The following CLSTN2 variants were observed in gnomAD, a reference collection of about 807,000 sequenced individuals.
CLSTN2 encodes calsyntenin-2.
A neutral mutation model predicts 101.2 loss-of-function variants in CLSTN2; 48 were observed. The ratio of observed to expected loss-of-function variants is 0.47; its 90% confidence interval spans 0.38 to 0.60. CLSTN2 has a LOEUF of 0.60. CLSTN2 is among the 20% of genes least tolerant of loss of function. The probability of loss-of-function intolerance (pLI) is 0.00; values close to 1 mark genes in which losing one functional copy is unlikely to be tolerated. For synonymous variants in CLSTN2, 481 were observed against 463.6 expected (o/e 1.04, Z -0.48); for missense variants, 1,160 against 1,238.2 (o/e 0.94, Z 0.95).
intron 5 of CLSTN2, among the ~76,000 whole-genome samples, chr3:140,425,625 G>C (rs572772035): frequency 6.6e-6 from 1 of 152,312 alleles, no homozygotes; most frequent in South Asian, 2.1e-4. Flanking sequence ...TGAACTAAAA[G>C]TGTGTTTGCT....
chr3:140,552,955 A>G (rs1343666917), intron 10 of CLSTN2, among the ~76,000 whole-genome samples: 1 of 152,328 alleles, frequency 6.6e-6, no homozygotes, highest in East Asian at 1.9e-4. Context: ...CAAATCTGAA[A>G]CTGATGACTT....
chr3:140,110,826 C>T (rs945298546), intron 1 of CLSTN2, among the ~76,000 whole-genome samples: 14 of 152,172 alleles, frequency 9.2e-5, no homozygotes, highest in Admixed American at 7.2e-4. Context: ...TGGAGGAGGG[C>T]TGTTGGCTTC....
rs2088452823 is a variant in CLSTN2 at position 140,418,246 on chromosome 3, G to C, written c.638-2879G>C. Among the ~76,000 whole-genome samples the C allele has an allele frequency of 2.0e-5, 3 of 152,194 alleles. No individual in the cohort carries two copies. The South Asian group carries it at 6.2e-4, about 32-fold the overall frequency. On this transcript the variant is annotated intron_variant, in intron 4 of 16. Transcript: ENST00000458420. ...GACAACTATAACCACATATAAGTTT[G>C]AGTGTTACCAACCAATACTGAGCCA...
At chr3:140,203,467 T>TTG (rs1480185726) in intron 2 of CLSTN2, among the ~76,000 whole-genome samples, 3 of 140,798 alleles carry the variant, frequency 2.1e-5, no homozygotes. Flanking sequence ...GTGGGTTTTT[T>TTG]TTTTTTTTTT....
At chr3:139,997,047 CAAAA>C (rs369329154) in intron 1 of CLSTN2, among the ~76,000 whole-genome samples, 1 of 85,006 alleles carries the variant, frequency 1.2e-5, no homozygotes, top group Non-Finnish European at 2.1e-5. Flanking sequence ...GACTCTGTCT[CAAAA>C]AAAAAAAAAA....
intron 2 of CLSTN2, among the ~76,000 whole-genome samples, chr3:140,398,060 A>G (rs937660607): frequency 6.7e-6 from 1 of 148,820 alleles, no homozygotes; most frequent in Admixed American, 6.8e-5. Flanking sequence ...TTGGTGGGAC[A>G]GGCTTACTTC....
intron 1 of CLSTN2, among the ~76,000 whole-genome samples, chr3:140,079,367 G>A (rs2008546669): frequency 1.3e-5 from 2 of 152,162 alleles, no homozygotes; most frequent in Admixed American, 1.3e-4. Context: ...ATTTCCAAGA[G>A]ATAGAGAAAA....
At chr3:140,483,849 A>C (rs1164772974) in intron 8 of CLSTN2, among the ~76,000 whole-genome samples, 1 of 152,058 alleles carries the variant, frequency 6.6e-6, no homozygotes, top group Non-Finnish European at 1.5e-5. Flanking sequence ...TTTTGAGCCT[A>C]TGTCTGTCCT....
intron 2 of CLSTN2, among the ~76,000 whole-genome samples, chr3:140,287,074 A>C (rs1159582294): frequency 6.6e-6 from 1 of 152,156 alleles, no homozygotes; most frequent in Non-Finnish European, 1.5e-5. Context: ...ATAGTGGCAA[A>C]GGTTTCTGAG....
chr3:140,550,620 C>T (rs568542537), intron 10 of CLSTN2, among the ~76,000 whole-genome samples: 2 of 152,274 alleles, frequency 1.3e-5, no homozygotes, highest in Non-Finnish European at 2.9e-5. Context: ...GGCACAGTTT[C>T]AGGGTACTAG....
chr3:140,024,493 AG>A (rs1303767886), intron 1 of CLSTN2, among the ~76,000 whole-genome samples: 1 of 152,194 alleles, frequency 6.6e-6, no homozygotes, highest in Non-Finnish European at 1.5e-5. Flanking sequence ...GAGAGAACTA[AG>A]GGTGTTAAAT....
At chr3:140,157,496 A>G (rs1437767464) in intron 1 of CLSTN2, among the ~76,000 whole-genome samples, 3 of 152,094 alleles carry the variant, frequency 2.0e-5, no homozygotes, top group Non-Finnish European at 4.4e-5. Context: ...GAATTTATCC[A>G]TTTCCTCTAG....
intron 8 of CLSTN2, among the ~76,000 whole-genome samples, chr3:140,468,720 T>G (rs1009631378): frequency 2.0e-5 from 3 of 152,252 alleles, no homozygotes; most frequent in Non-Finnish European, 4.4e-5. Flanking sequence ...TATGCCCGGC[T>G]GCTGCTTTGG....
intron 2 of CLSTN2, among the ~76,000 whole-genome samples, chr3:140,354,910 TCTC>T (rs2087652460): frequency 6.6e-6 from 1 of 152,290 alleles, no homozygotes; most frequent in South Asian, 2.1e-4. Context: ...CACCTACTAT[TCTC>T]CTGCTAGTTG....
intron 5 of CLSTN2, among the ~76,000 whole-genome samples, chr3:140,423,210 G>GAA (rs2088524965): frequency 6.6e-6 from 1 of 152,122 alleles, no homozygotes; most frequent in South Asian, 2.1e-4. Context: ...TGTATGCAAG[G>GAA]AAAAACCTGG....
chr3:140,381,011 A>G (rs896616746), intron 2 of CLSTN2, among the ~76,000 whole-genome samples: 5 of 152,204 alleles, frequency 3.3e-5, no homozygotes, highest in African/African-American at 1.2e-4. Flanking sequence ...CCCAACAGAA[A>G]TGTTTTGTGC....
chr3:140,337,674 A>G (rs1019499186), intron 2 of CLSTN2, among the ~76,000 whole-genome samples: 1 of 152,190 alleles, frequency 6.6e-6, no homozygotes, highest in African/African-American at 2.4e-5. Flanking sequence ...AGATACCACC[A>G]GGTCATGGGG....
chr3:140,206,535 G>A (rs2010785170), intron 2 of CLSTN2, among the ~76,000 whole-genome samples: 2 of 152,168 alleles, frequency 1.3e-5, no homozygotes, highest in Non-Finnish European at 1.5e-5. Context: ...TATCAAATAT[G>A]AGGACACCTG....
intron 4 of CLSTN2, among the ~76,000 whole-genome samples, chr3:140,412,729 A>G (rs182720167): frequency 6.6e-6 from 1 of 152,386 alleles, no homozygotes; most frequent in Non-Finnish European, 1.5e-5. Flanking sequence ...ACTAGAAATC[A>G]ATAGCAGGAC....
Sources: gnomAD v4.1 joint callset for allele counts (sites outside exome capture counted in the v4.1 genomes callset) on GRCh38, gnomAD v4.1.1 for gene constraint, MANE v1.5 for transcripts, NCBI Gene and HGNC (gene_info 2026-07-23, HGNC 2026-07-21) for gene names.